Variants in TTN observed in about 807,000 individuals in gnomAD.
TTN encodes the protein titin.
Under a neutral mutation model 3,223.0 loss-of-function variants are expected in TTN, and 1,525 were observed. The ratio of observed to expected loss-of-function variants is 0.47; its 90% CI spans 0.45 to 0.49. TTN has a LOEUF of 0.49. TTN is among the 20% of genes least tolerant of loss of function. TTN has a pLI of 0.00. For synonymous variants in TTN, 14,094 were observed against 15,161.0 expected (o/e 0.93, Z 5.17); for missense variants, 40,786 against 43,424.0 (o/e 0.94, Z 5.40).
rs187392843 is a variant in TTN, at chr2:178,577,771, C to T, written c.68655G>A (p.Ser22885=). 4.3e-6 allele frequency: 7 copies of T among 1,613,266 alleles called. No homozygotes were observed. The highest frequency in any genetic ancestry group is 1.7e-5 in the Admixed American group (1 of 59,994). ...GYIVEKRDLP[S]KSWMKANHVN... ...CATGGTTGGCTTTCATCCAAGACTT[C>T]GAAGGTAGATCTCGCTTCTCCACTA... The change falls in exon 323 of 363, where the codon TCG becomes TCA. Residue 22885 remains serine, a synonymous_variant. Transcript: ENST00000589042.
rs756924799 is a variant in TTN, at chr2:178,789,482, C to T, written c.1954G>A (p.Glu652Lys). The change falls in exon 13 of 363, where the codon GAG becomes AAG. Residue 652 changes from glutamate (E) to lysine (K), a missense_variant. Coordinates refer to ENST00000589042, the MANE Select transcript of TTN (RefSeq NM_001267550.2). The part of the protein sequence containing the change: ...ITQEKMRKEA[E>K]KTALSTIAVA... Reference sequence around the variant, plus strand: ...GCTATTGTAGACAAGGCAGTTTTCTCGGCTTCCTTTCTCATCTGATTATTA... The same window carrying T: ...GCTATTGTAGACAAGGCAGTTTTCTTGGCTTCCTTTCTCATCTGATTATTA... 2.5e-5 allele frequency: 40 copies of T among 1,613,190 alleles called. No homozygotes were observed. Among genetic ancestry groups the T allele is most frequent in the South Asian group, 2.4e-4 (22 of 91,058 alleles).
chr2:178,681,068 A>G lies in TTN; in HGVS notation c.33340+11T>C. The G allele has an allele frequency of 1.3e-6, 2 of 1,584,864 alleles. No homozygotes were observed. The highest frequency in any genetic ancestry group is 1.7e-6 in the Non-Finnish European group (2 of 1,168,888). On this transcript the variant is annotated intron_variant, in intron 138 of 362. Transcript: ENST00000589042. ...AGAAAAGATCACAATCGAGGAAGGA[A>G]ATCATTATACCTTTAGCAGCGGGTT...
intron 287 of TTN, 35 bp downstream of exon 287, chr2:178,601,230 G>A (rs1165949721): frequency 1.3e-6 from 2 of 1,518,512 alleles, no homozygotes; most frequent in African/African-American, 2.8e-5. Context: ...CTTCAATTTT[G>A]AGAAGATATT....
At position 178,532,421 on chromosome 2, in the gene TTN, G is replaced by C. The variant is rs753769495; in HGVS notation, c.104194C>G (p.His34732Asp). 4 of 1,614,002 alleles carry C rather than the reference G, an allele frequency of 2.5e-6. No individual in the cohort carries two copies. In the East Asian group the frequency reaches 8.9e-5, roughly 36 times the overall value. ...TRKDFRYSTY[H>D]IPTKAEASTS... Reference sequence around the variant, plus strand: ...CTAGCTTCAGCCTTCGTTGGGATGTGATAGGTTGAATACCTGAAGTCTTTT... The same window carrying C: ...CTAGCTTCAGCCTTCGTTGGGATGTCATAGGTTGAATACCTGAAGTCTTTT... Residue 34732 changes from histidine to aspartate, a missense_variant, in exon 358 of 363, where the codon CAC (histidine) becomes GAC (aspartate). Physicochemically the swap from His to Asp is moderately conservative, Grantham distance 81. Coordinates refer to ENST00000589042, the MANE Select transcript of TTN (RefSeq NM_001267550.2).
Position 178,616,544 on chromosome 2 carries a change from C to T in TTN, c.48247G>A (p.Gly16083Arg), listed in dbSNP as rs745429154. The T allele has an allele frequency of 6.2e-7, 1 of 1,612,394 alleles. No homozygotes were observed. The highest frequency in any genetic ancestry group is 1.7e-5 in the Admixed American group (1 of 59,912). ...HLTWEPPDDD[G>R]GSPLTGYVVE... Reference sequence around the variant, plus strand: ...ACGTATCCAGTTAACGGACTTCCTCCATCATCATCAGGTGGTTCCCAAGTC... The same window carrying T: ...ACGTATCCAGTTAACGGACTTCCTCTATCATCATCAGGTGGTTCCCAAGTC... Residue 16083 changes from glycine (G) to arginine (R), a missense_variant, in exon 257 of 363, where the codon GGA becomes AGA. Coordinates refer to ENST00000589042, the MANE Select transcript of TTN (RefSeq NM_001267550.2).
intron 221 of TTN, 113 bp downstream of exon 221, chr2:178,640,428 T>C: frequency 1.0e-6 from 1 of 972,800 alleles, no homozygotes; most frequent in Non-Finnish European, 1.6e-6. Context: ...TTAAGCCATA[T>C]GTGATTAACA....
Position 178,581,480 on chromosome 2 carries a change from T to G in TTN, c.66769+19A>C. The G allele has an allele frequency of 6.4e-7, 1 of 1,560,244 alleles. No homozygotes were observed. The highest frequency in any genetic ancestry group is 8.7e-7 in the Non-Finnish European group (1 of 1,149,284). On this transcript the variant is annotated intron_variant, in intron 316 of 362. Transcript: ENST00000589042. ...GATTAATAGGAAAAGCCTTATGTACTCCCCCTGGTAATACTTACTTAAGAT... is the reference window on the plus strand; with the variant it reads ...GATTAATAGGAAAAGCCTTATGTACGCCCCCTGGTAATACTTACTTAAGAT...
chr2:178,543,814 AT>A lies in TTN; in HGVS notation c.96310+19del. The A allele has an allele frequency of 6.2e-7, 1 of 1,611,704 alleles. No homozygotes were observed. Among genetic ancestry groups the A allele is most frequent in the Non-Finnish European group, 8.5e-7 (1 of 1,178,348 alleles). ...AGAGGATCTACTCATTGTATAGCCAATTTTAAGTAAAATGCTTACCATAGAC... is the reference window on the plus strand; with the variant it reads ...AGAGGATCTACTCATTGTATAGCCAATTTAAGTAAAATGCTTACCATAGAC... On this transcript the variant is annotated intron_variant, in intron 346 of 362. Coordinates refer to ENST00000589042, the MANE Select transcript of TTN (RefSeq NM_001267550.2).
In TTN at chr2:178,723,134, A is replaced by C; in HGVS notation, c.21873T>G (p.Asn7291Lys). The C allele has an allele frequency of 6.2e-7, 1 of 1,613,566 alleles. No homozygotes were observed. The highest frequency in any genetic ancestry group is 8.5e-7 in the Non-Finnish European group (1 of 1,179,634). ...ACTGCCCTGCATCTCTTTTTGTGCT[A>C]TTCAGAATTTCCAGGATACAAGTTT... ...TEKTCILEIL[N>K]STKRDAGQYS... is the part of the protein sequence containing the mutation. Residue 7291 changes from asparagine (N) to lysine (K), a missense_variant, in exon 75 of 363, where the codon AAT becomes AAG. Physicochemically the swap from Asn to Lys is moderately conservative, Grantham distance 94. Transcript: ENST00000589042.
Position 178,735,760 on chromosome 2 carries a change from G to A in TTN, c.14686C>T (p.Pro4896Ser). The A allele has an allele frequency of 1.2e-6, 2 of 1,613,682 alleles. No individual in the cohort carries two copies. The highest frequency in any genetic ancestry group is 2.7e-5 in the African/African-American group (2 of 75,014). The stretch of plus-strand genomic sequence containing the variant: ...TTCTTATTGATAGCGGACTGCACAG[G>A]CTCTAATTCTTTAATGAAATGTGGC... ...DKPHFIKELE[P>S]VQSAINKKVH... Residue 4896 changes from proline (P) to serine (S), a missense_variant, in exon 50 of 363, where the codon CCT becomes TCT. Coordinates refer to ENST00000589042, the MANE Select transcript of TTN (RefSeq NM_001267550.2).
At position 178,726,062 on chromosome 2, in the gene TTN, A is replaced by G; in HGVS notation, c.20276-16T>C. ...ACAGGTGGCTCTGCAAAAAACAAGA[A>G]TTTCTCATGAATTGGGCTACTGAAT... On this transcript the variant is annotated splice_polypyrimidine_tract_variant and intron_variant, in intron 69 of 362. Coordinates refer to ENST00000589042, the MANE Select transcript of TTN (RefSeq NM_001267550.2). The G allele has an allele frequency of 6.7e-7, 1 of 1,500,950 alleles. No homozygotes were observed. Among genetic ancestry groups the G allele is most frequent in the Non-Finnish European group, 8.9e-7 (1 of 1,126,772 alleles). The allele number at this position is 1,500,950 out of a possible 1,614,324, so 93.0% of individuals were successfully genotyped here.
At position 178,673,765 on chromosome 2, in the gene TTN, C is replaced by T. The variant is rs72650050; in HGVS notation, c.34709-55G>A. 3.1e-3 allele frequency: 3,578 copies of T among 1,163,824 alleles called. 10 individuals carry two copies. Among genetic ancestry groups the T allele is most frequent in the Non-Finnish European group, 3.8e-3 (3,050 of 807,450 alleles). 72.1% of individuals were successfully genotyped at this position (1,163,824 alleles called of 1,614,324 possible). A position where few individuals can be genotyped will look rare whatever the true frequency, so the allele number is the denominator to read the frequency against. On this transcript the variant is annotated intron_variant, in intron 151 of 362. Transcript: ENST00000589042. ...AAGTGGCATGTGATGAGCAGAACAC[C>T]ACCCATATACCAATAAATAAATATC...
chr2:178,581,658 C>T lies in TTN; in HGVS notation c.66610G>A (p.Val22204Met), dbSNP rs376238023. 87 of 1,612,618 alleles carry T rather than the reference C, an allele frequency of 5.4e-5. No individual in the cohort carries two copies. Among genetic ancestry groups the T allele is most frequent in the Non-Finnish European group, 7.2e-5 (85 of 1,179,266 alleles). Reference protein sequence around the residue: ...EVKRADSDNWVRCNLPQNLQK... With the variant: ...EVKRADSDNWMRCNLPQNLQK... Reference sequence around the variant, plus strand: ...AGATTCTGTGGTAAGTTGCACCTCACCCAGTTATCGGAGTCAGCCCGTTTT... The same window carrying T: ...AGATTCTGTGGTAAGTTGCACCTCATCCAGTTATCGGAGTCAGCCCGTTTT... The change falls in exon 316 of 363, where the codon GTG becomes ATG. Residue 22204 changes from valine to methionine, a missense_variant. Val to Met is a conservative substitution (Grantham distance 21). Coordinates refer to ENST00000589042, the MANE Select transcript of TTN (RefSeq NM_001267550.2).
In TTN at chr2:178,551,816, C is replaced by T. The variant is rs764904720; in HGVS notation, c.91084G>A (p.Glu30362Lys). ...GGSEVTGFHV[E>K]KKERNSILWQ... is the part of the protein sequence containing the mutation. Reference sequence around the variant, plus strand: ...AGGATGCTATTTCTTTCTTTCTTTTCAACATGGAATCCAGTAACTTCTGAA... The same window carrying T: ...AGGATGCTATTTCTTTCTTTCTTTTTAACATGGAATCCAGTAACTTCTGAA... Residue 30362 changes from glutamate (E) to lysine (K), a missense_variant, in exon 335 of 363, where the codon GAA becomes AAA. Coordinates refer to ENST00000589042, the MANE Select transcript of TTN (RefSeq NM_001267550.2). The T allele has an allele frequency of 1.9e-6, 3 of 1,613,804 alleles. No individual in the cohort carries two copies. Among genetic ancestry groups the T allele is most frequent in the Non-Finnish European group, 2.5e-6 (3 of 1,179,796 alleles).
rs1697300791 is a variant in TTN at position 178,546,648 on chromosome 2, T to C, written c.94780A>G (p.Ser31594Gly). ...GGGCCTGTAGATTCAGACCCTTTGC[T>C]AATTACGCCTGCTGCATTCTTGGCT... ...VLAKNAAGVI[S>G]KGSESTGPVT... Residue 31594 changes from serine (S) to glycine (G), a missense_variant, in exon 341 of 363, where the codon AGC becomes GGC. Transcript: ENST00000589042. 2 of 1,613,688 alleles carry C rather than the reference T, an allele frequency of 1.2e-6. No individual in the cohort carries two copies. The highest frequency in any genetic ancestry group is 1.7e-6 in the Non-Finnish European group (2 of 1,179,658).
chr2:178,529,970 T>A lies in TTN; in HGVS notation c.106521A>T (p.Leu35507Phe). 1 of 1,591,970 alleles carries A rather than the reference T, an allele frequency of 6.3e-7. No individual in the cohort carries two copies. The highest frequency in any genetic ancestry group is 8.5e-7 in the Non-Finnish European group (1 of 1,174,860). Reference sequence around the variant, plus strand: ...CAAAAGCCAACCTACCTTTTATTGTTAATTTGCAGCTAGAGGACACAGATC... The same window carrying A: ...CAAAAGCCAACCTACCTTTTATTGTAAATTTGCAGCTAGAGGACACAGATC... ...SAGSVSSSCK[L>F]TIKAIKDTEA... Residue 35507 changes from leucine (L) to phenylalanine (F), a missense_variant, in exon 359 of 363, where the codon TTA (leucine) becomes TTT (phenylalanine). Transcript: ENST00000589042.
chr2:178,641,109 CAG>C (rs2154238498), intron 220 of TTN, 130 bp downstream of exon 220: 1 of 601,606 alleles, frequency 1.7e-6, no homozygotes, highest in Non-Finnish European at 2.8e-6. Flanking sequence ...CAATGGAAAA[CAG>C]AGACTACATC....
chr2:178,713,486 T>C lies in TTN; in HGVS notation c.26762-114A>G, dbSNP rs1184340352. 2.8e-6 allele frequency: 4 copies of C among 1,408,384 alleles called. No homozygotes were observed. The African/African-American group carries it at 4.3e-5, about 15-fold the overall frequency. 87.2% of individuals were successfully genotyped at this position (1,408,384 alleles called of 1,614,324 possible). On this transcript the variant is annotated intron_variant, in intron 92 of 362. Coordinates refer to ENST00000589042, the MANE Select transcript of TTN (RefSeq NM_001267550.2). ...TTTGATGGACTATCCCTAGATCCATTTGGCTCTTTTGTGACGGTATTAAAA... is the reference window on the plus strand; with the variant it reads ...TTTGATGGACTATCCCTAGATCCATCTGGCTCTTTTGTGACGGTATTAAAA...
At chr2:178,792,047 A>T in intron 10 of TTN, 25 bp downstream of exon 10, 3 of 1,609,156 alleles carry the variant, frequency 1.9e-6, no homozygotes, top group Non-Finnish European at 2.5e-6. Flanking sequence ...AACAAACTAC[A>T]AAATATTTAG....
Sources: gnomAD v4.1 joint callset for allele counts on GRCh38, gnomAD v4.1.1 for gene constraint, MANE v1.5 for transcripts, NCBI Gene and HGNC (gene_info 2026-07-23, HGNC 2026-07-21) for gene names.